TNFSF4: variants seen among roughly 807,000 people sequenced by gnomAD.
TNFSF4 encodes the protein tumor necrosis factor ligand superfamily member 4.
A neutral mutation model predicts 7.3 loss-of-function variants in TNFSF4; 4 were observed. The observed-to-expected ratio is 0.55, with a 90% CI of 0.27 to 1.25. The LOEUF (loss-of-function observed/expected upper bound fraction) is 1.25, where lower values mean the gene tolerates loss of function less well. Ranked by LOEUF, TNFSF4 falls within the 50% of genes most tolerant of loss-of-function variation. The pLI is 0.12. For missense variants in TNFSF4, 181 were observed against 208.8 expected (o/e 0.87, Z 0.82); for synonymous variants, 76 against 83.7 (o/e 0.91, Z 0.50).
At chr1:173,422,088 G>GA in the TNFSF4 span, among the ~76,000 whole-genome samples, 515 of 151,418 alleles carry the variant, frequency 3.4e-3, 4 homozygotes, top group African/African-American at 0.012. Flanking sequence ...GTCCCTAGCA[G>GA]AAAAAAAAGC....
chr1:173,439,957 A>G, the TNFSF4 span, among the ~76,000 whole-genome samples: 1 of 152,322 alleles, frequency 6.6e-6, no homozygotes, highest in African/African-American at 2.4e-5. Context: ...GCACACAAAG[A>G]CTGTGGGTAG....
Position 173,186,314 on chromosome 1 carries a change from G to C in TNFSF4, c.*202C>G. Reference sequence around the variant, plus strand: ...GGCTAGGCAATTTAGAAAATATAAGGATAAATAAGATTAACTGGTATATAA... The same window carrying C: ...GGCTAGGCAATTTAGAAAATATAAGCATAAATAAGATTAACTGGTATATAA... On this transcript the variant is annotated 3_prime_UTR_variant, in exon 3 of 3. Transcript: ENST00000281834. 2.0e-6 allele frequency: 1 copy of C among 509,888 alleles called. No individual in the cohort carries two copies. Among genetic ancestry groups the C allele is most frequent in the Non-Finnish European group, 3.4e-6 (1 of 295,916 alleles). 31.6% of individuals were successfully genotyped at this position (509,888 alleles called of 1,614,324 possible).
At chr1:173,409,403 T>C in the TNFSF4 span, among the ~76,000 whole-genome samples, 1 of 152,188 alleles carries the variant, frequency 6.6e-6, no homozygotes, top group Non-Finnish European at 1.5e-5. Flanking sequence ...ATAACTTAGA[T>C]AGTTGTATTA....
At chr1:173,233,679 T>C in the TNFSF4 span, among the ~76,000 whole-genome samples, 1 of 152,238 alleles carries the variant, frequency 6.6e-6, no homozygotes, top group Non-Finnish European at 1.5e-5. Flanking sequence ...GTTGCAACTT[T>C]ATTGCTCAGG....
chr1:173,188,654 A>G (rs2101983010), intron 1 of TNFSF4, 85 bp from the exon 2 acceptor site: 1 of 1,111,368 alleles, frequency 9.0e-7, no homozygotes, highest in African/African-American at 1.6e-5. Context: ...ACAGTGAAGC[A>G]GAAATGCAGT....
chr1:173,301,138 A>G, the TNFSF4 span, among the ~76,000 whole-genome samples: 59 of 152,062 alleles, frequency 3.9e-4, no homozygotes, highest in Middle Eastern at 3.4e-3. Flanking sequence ...CTGACTTTCT[A>G]TGATCTAATT....
At chr1:173,282,607 T>C in the TNFSF4 span, among the ~76,000 whole-genome samples, 2 of 151,982 alleles carry the variant, frequency 1.3e-5, no homozygotes, top group Non-Finnish European at 2.9e-5. Flanking sequence ...TACAGGCATG[T>C]GCCACCATGC....
chr1:173,344,698 C>T, the TNFSF4 span, among the ~76,000 whole-genome samples: 1 of 152,142 alleles, frequency 6.6e-6, no homozygotes, highest in Non-Finnish European at 1.5e-5. Flanking sequence ...ATTTTAATAA[C>T]CCTAAGAAAA....
chr1:173,257,715 A>G, the TNFSF4 span, among the ~76,000 whole-genome samples: 1 of 152,228 alleles, frequency 6.6e-6, no homozygotes, highest in Non-Finnish European at 1.5e-5. Flanking sequence ...CCATGGAATT[A>G]GGGTAGATTA....
chr1:173,215,056 C>G, the TNFSF4 span, among the ~76,000 whole-genome samples: 5 of 152,056 alleles, frequency 3.3e-5, no homozygotes, highest in African/African-American at 9.7e-5. Flanking sequence ...GGAGATGGAG[C>G]CTTTGGAAAG....
the TNFSF4 span, among the ~76,000 whole-genome samples, chr1:173,406,424 G>A: frequency 6.6e-6 from 1 of 151,964 alleles, no homozygotes; most frequent in Non-Finnish European, 1.5e-5. Context: ...TATGTTCCAG[G>A]AACTCTACAG....
downstream of TNFSF4, among the ~76,000 whole-genome samples, chr1:173,180,061 G>C (rs1366234279): frequency 6.6e-6 from 1 of 152,040 alleles, no homozygotes; most frequent in East Asian, 1.9e-4. Flanking sequence ...ATAGCATTCT[G>C]ATTTTTTCTT....
At chr1:173,427,197 C>T in the TNFSF4 span, among the ~76,000 whole-genome samples, 1 of 152,172 alleles carries the variant, frequency 6.6e-6, no homozygotes, top group Non-Finnish European at 1.5e-5. Context: ...GCACTTGAAA[C>T]GTTAAAGGCT....
the TNFSF4 span, among the ~76,000 whole-genome samples, chr1:173,270,390 G>C: frequency 6.6e-6 from 1 of 152,072 alleles, no homozygotes; most frequent in Non-Finnish European, 1.5e-5. Flanking sequence ...ACATAGAAAA[G>C]TGAAGAGGAC....
the TNFSF4 span, among the ~76,000 whole-genome samples, chr1:173,414,282 T>C: frequency 6.6e-6 from 1 of 152,176 alleles, no homozygotes; most frequent in Non-Finnish European, 1.5e-5. Context: ...ACTGTGTCTT[T>C]GCATGGCCTT....
the TNFSF4 span, among the ~76,000 whole-genome samples, chr1:173,230,624 A>C: frequency 6.6e-6 from 1 of 152,224 alleles, no homozygotes; most frequent in Admixed American, 6.5e-5. Flanking sequence ...CTTCAAAAAA[A>C]TCAATGAATC....
the TNFSF4 span, among the ~76,000 whole-genome samples, chr1:173,375,803 C>A: frequency 6.6e-6 from 1 of 152,112 alleles, no homozygotes; most frequent in South Asian, 2.1e-4. Flanking sequence ...ACTCAGGTCC[C>A]CTTCCACACT....
the TNFSF4 span, among the ~76,000 whole-genome samples, chr1:173,218,495 A>G: frequency 2.6e-5 from 4 of 150,978 alleles, no homozygotes; most frequent in African/African-American, 9.7e-5. Context: ...AATTCCCAAG[A>G]CTCCTTATAC....
At chr1:173,298,276 T>C in the TNFSF4 span, among the ~76,000 whole-genome samples, 1 of 151,974 alleles carries the variant, frequency 6.6e-6, no homozygotes, top group Non-Finnish European at 1.5e-5. Context: ...GTGGTTTTTC[T>C]TTCCTCTCAG....
Sources: gnomAD v4.1 joint callset for allele counts (sites outside exome capture counted in the v4.1 genomes callset) on GRCh38, gnomAD v4.1.1 for gene constraint, MANE v1.5 for transcripts, NCBI Gene and HGNC (gene_info 2026-07-23, HGNC 2026-07-21) for gene names.